CTNNA3: variants seen among roughly 807,000 people sequenced by gnomAD.
CTNNA3 encodes the protein catenin alpha 3.
In CTNNA3, 76 loss-of-function variants were observed where a neutral mutation model predicts 95.7. That is an observed-to-expected ratio of 0.79 (90% CI 0.66 to 0.96). CTNNA3 has a LOEUF of 0.96. Ranked by LOEUF, CTNNA3 falls within the 40% of genes least tolerant of loss-of-function variation. CTNNA3 has a pLI of 0.00. For synonymous variants in CTNNA3, 431 were observed against 374.4 expected, an observed-to-expected ratio of 1.15 and a Z score of -1.74; for missense variants, 1,191 against 1,089.8, an observed-to-expected ratio of 1.09 and a Z score of -1.31.
intron 10 of CTNNA3, among the ~76,000 whole-genome samples, chr10:66,572,680 C>A (rs1842904740): frequency 6.6e-6 from 1 of 152,158 alleles, no homozygotes; most frequent in African/African-American, 2.4e-5. Context: ...AGATTGGAGG[C>A]CACTTATCTC....
At chr10:67,427,975 G>C (rs1195661971) in intron 5 of CTNNA3, among the ~76,000 whole-genome samples, 1 of 152,014 alleles carries the variant, frequency 6.6e-6, no homozygotes, top group Non-Finnish European at 1.5e-5. Context: ...CCTGCTTCTA[G>C]AGAAAAAATT....
At chr10:67,583,315 T>C (rs1032152836) in intron 3 of CTNNA3, among the ~76,000 whole-genome samples, 15 of 152,228 alleles carry the variant, frequency 9.9e-5, no homozygotes, top group Non-Finnish European at 2.2e-4. Flanking sequence ...CCTTCACTTA[T>C]GAAGCTTAGT....
At chr10:67,649,791 C>T (rs1218220912) in intron 1 of CTNNA3, among the ~76,000 whole-genome samples, 1 of 152,168 alleles carries the variant, frequency 6.6e-6, no homozygotes, top group African/African-American at 2.4e-5. Context: ...AAATCCAAAA[C>T]AAAAATCCTA....
chr10:66,700,605 G>A (rs1401915332), intron 9 of CTNNA3, among the ~76,000 whole-genome samples: 1 of 151,940 alleles, frequency 6.6e-6, no homozygotes, highest in Non-Finnish European at 1.5e-5. Context: ...GATTGTTTTG[G>A]CTATTCATGG....
chr10:67,736,158 G>C (rs1841301143), intron 1 of CTNNA3, among the ~76,000 whole-genome samples: 1 of 152,130 alleles, frequency 6.6e-6, no homozygotes, highest in Non-Finnish European at 1.5e-5. Context: ...GACAAACCTT[G>C]ATAACATTAT....
chr10:67,640,411 TG>T, intron 2 of CTNNA3, among the ~76,000 whole-genome samples: 1 of 152,254 alleles, frequency 6.6e-6, no homozygotes, highest in South Asian at 2.1e-4. Context: ...ATCAATATCA[TG>T]AAAATGGCCA....
chr10:66,461,814 A>G (rs560463829), intron 11 of CTNNA3, among the ~76,000 whole-genome samples: 8 of 140,180 alleles, frequency 5.7e-5, no homozygotes, highest in African/African-American at 1.4e-4. Context: ...TATATCTCCA[A>G]TTTTTTTTTT....
At position 66,800,632 on chromosome 10, in the gene CTNNA3, C is replaced by T. The variant is rs578100008; in HGVS notation, c.1048-25108G>A. 4.6e-5 allele frequency among the ~76,000 whole-genome samples: 7 copies of T among 151,022 alleles called. No individual in the cohort carries two copies. The South Asian group carries it at 1.0e-3, about 22-fold the overall frequency. ...TGAAGGTATTGAAATTTAAAAATGT[C>T]TACAAGAATATAACACAATTTTCTC... On this transcript the variant is annotated intron_variant, in intron 7 of 17. Coordinates refer to ENST00000433211, the MANE Select transcript of CTNNA3 (RefSeq NM_013266.4).
intron 3 of CTNNA3, among the ~76,000 whole-genome samples, chr10:67,557,551 G>A (rs1841302622): frequency 1.3e-5 from 2 of 152,084 alleles, no homozygotes. Context: ...TTTAAAATAG[G>A]TTCTGATTTT....
chr10:66,732,907 T>C (rs1455823889), intron 9 of CTNNA3, among the ~76,000 whole-genome samples: 1 of 152,112 alleles, frequency 6.6e-6, no homozygotes, highest in Non-Finnish European at 1.5e-5. Context: ...GTGATTCTCA[T>C]GCCTCAGCCT....
intron 5 of CTNNA3, among the ~76,000 whole-genome samples, chr10:67,435,128 T>C (rs1291683762): frequency 6.6e-6 from 1 of 152,036 alleles, no homozygotes; most frequent in Non-Finnish European, 1.5e-5. Context: ...CTTTTATTTG[T>C]AACTAGTGCT....
intron 11 of CTNNA3, among the ~76,000 whole-genome samples, chr10:66,400,015 C>T (rs572312216): frequency 6.6e-6 from 1 of 151,792 alleles, no homozygotes; most frequent in East Asian, 1.9e-4. Context: ...AATTAAGATC[C>T]TAAAGGCATA....
intron 13 of CTNNA3, among the ~76,000 whole-genome samples, chr10:66,191,088 C>T (rs2086642500): frequency 6.6e-6 from 1 of 152,060 alleles, no homozygotes; most frequent in East Asian, 1.9e-4. Context: ...GTGGACAGGA[C>T]TTTACATTCA....
intron 5 of CTNNA3, among the ~76,000 whole-genome samples, chr10:67,368,476 A>G (rs1015395884): frequency 6.6e-6 from 1 of 152,206 alleles, no homozygotes; most frequent in Non-Finnish European, 1.5e-5. Flanking sequence ...GTAAAAATAC[A>G]TCTACCATGT....
At chr10:66,263,772 C>A (rs1411342646) in intron 13 of CTNNA3, among the ~76,000 whole-genome samples, 2 of 151,950 alleles carry the variant, frequency 1.3e-5, no homozygotes, top group African/African-American at 4.8e-5. Flanking sequence ...TTCCAGGAAA[C>A]CCTGACACCA....
chr10:66,615,542 T>C (rs1048271476), intron 10 of CTNNA3, among the ~76,000 whole-genome samples: 6 of 151,928 alleles, frequency 3.9e-5, no homozygotes, highest in Non-Finnish European at 7.4e-5. Flanking sequence ...AAATATTTTT[T>C]ATTGATTGAT....
At chr10:66,764,539 A>T (rs1277372170) in intron 9 of CTNNA3, among the ~76,000 whole-genome samples, 1 of 152,210 alleles carries the variant, frequency 6.6e-6, no homozygotes, top group African/African-American at 2.4e-5. Context: ...CTTCATCAAA[A>T]AACTAAACTG....
At position 66,392,924 on chromosome 10, in the gene CTNNA3, C is replaced by G. The variant is rs74141472; in HGVS notation, c.1532-13572G>C. Among the ~76,000 whole-genome samples, 376 of 152,084 alleles carry G rather than the reference C, an allele frequency of 2.5e-3. 3 individuals are homozygous for G. Among genetic ancestry groups the G allele is most frequent in the African/African-American group, 8.6e-3 (357 of 41,548 alleles). ...TTTACCCAGATAAATTTAAAACTTA[C>G]GTTCACACAAAACCTGCACATGTGT... On this transcript the variant is annotated intron_variant, in intron 11 of 17. Coordinates refer to ENST00000433211, the MANE Select transcript of CTNNA3 (RefSeq NM_013266.4).
intron 13 of CTNNA3, among the ~76,000 whole-genome samples, chr10:66,151,073 A>G (rs2084174976): frequency 6.6e-6 from 1 of 152,036 alleles, no homozygotes; most frequent in Admixed American, 6.6e-5. Flanking sequence ...TCATCACTTG[A>G]GCAAATATGT....
Sources: allele counts gnomAD v4.1 joint callset (sites outside exome capture counted in the v4.1 genomes callset), GRCh38; gene constraint gnomAD v4.1.1; transcripts MANE v1.5; gene names NCBI Gene and HGNC (gene_info 2026-07-23, HGNC 2026-07-21).